The following CELF2 variants were observed in gnomAD, a reference collection of about 807,000 sequenced individuals.
The protein encoded by CELF2 is CUG triplet repeat RNA-binding protein 2.
In CELF2, 8 loss-of-function variants were observed where a neutral mutation model predicts 62.6. The observed-to-expected ratio is 0.13, with a 90% confidence interval of 0.07 to 0.23. The LOEUF (loss-of-function observed/expected upper bound fraction) is 0.23, where lower values mean the gene tolerates loss of function less well. Ranked by LOEUF, CELF2 falls within the 10% of genes least tolerant of loss-of-function variation. The pLI, the probability that CELF2 is intolerant of heterozygous loss-of-function variation, is 1.00. For missense variants in CELF2, 333 were observed against 671.0 expected (o/e 0.50, Z 5.56); for synonymous variants, 258 against 250.0 (o/e 1.03, Z -0.30).
At chr10:10,682,284 A>T in the CELF2 span, among the ~76,000 whole-genome samples, 1 of 152,242 alleles carries the variant, frequency 6.6e-6, no homozygotes, top group Non-Finnish European at 1.5e-5. Context: ...TAGGTCGGTG[A>T]GCACAATGAG....
At chr10:10,949,695 G>A (rs1297081442) in intron 2 of CELF2, among the ~76,000 whole-genome samples, 1 of 151,888 alleles carries the variant, frequency 6.6e-6, no homozygotes, top group Admixed American at 6.6e-5. Flanking sequence ...CAGCTACTAG[G>A]GAAGCTGAGG....
At chr10:10,615,647 T>C in the CELF2 span, among the ~76,000 whole-genome samples, 5 of 152,178 alleles carry the variant, frequency 3.3e-5, no homozygotes, top group East Asian at 7.7e-4. Flanking sequence ...GTTCTCATGA[T>C]AGTGAATGAA....
the CELF2 span, among the ~76,000 whole-genome samples, chr10:10,672,009 T>C: frequency 1.3e-5 from 2 of 152,168 alleles, no homozygotes; most frequent in African/African-American, 4.8e-5. Context: ...GGATTACAGG[T>C]GTAAGCCACC....
chr10:10,720,235 A>G, the CELF2 span, among the ~76,000 whole-genome samples: 7 of 152,258 alleles, frequency 4.6e-5, no homozygotes, highest in African/African-American at 9.6e-5. Flanking sequence ...ATTGAATTAA[A>G]TAAGTTTTTA....
At chr10:11,017,093 AT>A (rs1300287263), upstream of CELF2, among the ~76,000 whole-genome samples, 1 of 152,238 alleles carries the variant, frequency 6.6e-6, no homozygotes, top group Non-Finnish European at 1.5e-5. This position sits in a 1 kb window ranked among gnomAD's most constrained non-coding sequence, Gnocchi z 5.5. Context: ...TCACTTAAAA[AT>A]TAAACTCGCC....
intron 1 of CELF2, among the ~76,000 whole-genome samples, chr10:10,839,358 C>G (rs2058524520): frequency 6.6e-6 from 1 of 152,188 alleles, no homozygotes; most frequent in Non-Finnish European, 1.5e-5. Context: ...GTCTTCAGCT[C>G]TATTCCATTA....
rs919298035 is a variant in CELF2 at position 11,328,513 on chromosome 10, G to A, written c.1439-413G>A. Among the ~76,000 whole-genome samples the A allele has an allele frequency of 6.6e-6, 1 of 152,182 alleles. No homozygotes were observed. The highest frequency in any genetic ancestry group is 1.5e-5 in the Non-Finnish European group (1 of 68,018). On this transcript the variant is annotated intron_variant, in intron 12 of 12. Coordinates refer to ENST00000633077, the MANE Select transcript of CELF2 (RefSeq NM_001326342.2). This position sits in a 1 kb window ranked among gnomAD's most constrained non-coding sequence, Gnocchi z 6.4. ...CCTGGCTGGGACACGTGAGCCCCTA[G>A]GGGCCCCCACAGCCCTGAAATATTT...
rs1033593685 is a variant in CELF2, at chr10:11,247,324, G to C, written c.355-1829G>C. On this transcript the variant is annotated intron_variant, in intron 3 of 12. Transcript: ENST00000633077. The surrounding 1 kb of genome is among the most constrained non-coding windows in gnomAD (Gnocchi z 5.4). ...TCCATGCTCACACTGGGAGCTCCCT[G>C]TGAGAGGGAACTGTCACCCTTCCAC... Among the ~76,000 whole-genome samples the C allele has an allele frequency of 1.3e-5, 2 of 152,238 alleles. No homozygotes were observed. Among genetic ancestry groups the C allele is most frequent in the African/African-American group, 4.8e-5 (2 of 41,458 alleles).
Position 11,319,061 on chromosome 10 carries a change from G to A in CELF2, c.1097-2128G>A, listed in dbSNP as rs1351662693. 2 of 470,440 alleles carry A rather than the reference G, an allele frequency of 4.3e-6. No individual in the cohort carries two copies. Among genetic ancestry groups the A allele is most frequent in the South Asian group, 1.5e-5 (1 of 64,574 alleles). 29.1% of individuals were successfully genotyped at this position (470,440 alleles called of 1,614,324 possible). A position where few individuals can be genotyped will look rare whatever the true frequency, so the allele number is the denominator to read the frequency against. On this transcript the variant is annotated intron_variant, in intron 10 of 12. Coordinates refer to ENST00000633077, the MANE Select transcript of CELF2 (RefSeq NM_001326342.2). This position sits in a 1 kb window ranked among gnomAD's most constrained non-coding sequence, Gnocchi z 4.4. ...CCCACATGGCTCTGCAGGCTGCGAG[G>A]CACACCCAGAACCTCATGCCTTGAG... is the stretch of plus-strand genomic sequence containing the variant.
In CELF2 at chr10:10,967,298, A is replaced by C. The variant is rs144203317; in HGVS notation, c.89+47299A>C. On this transcript the variant is annotated intron_variant, in intron 2 of 13. Transcript: ENST00000636488. ...TACGAGAGTAGGTTCCAGTCTGTTT[A>C]CACATCTGGTTAGGTTAGAGGTCAC... is the stretch of plus-strand genomic sequence containing the variant. 1.5e-3 allele frequency among the ~76,000 whole-genome samples: 230 copies of C among 152,308 alleles called. 1 individual carries two copies. Among genetic ancestry groups the C allele is most frequent in the African/African-American group, 5.0e-3 (209 of 41,562 alleles).
At chr10:10,518,322 C>A in the CELF2 span, among the ~76,000 whole-genome samples, 1 of 152,136 alleles carries the variant, frequency 6.6e-6, no homozygotes, top group East Asian at 1.9e-4. Flanking sequence ...CTTTCTTCAG[C>A]CCAAGCTCCA....
At chr10:11,152,874 C>G (rs1371029227) in intron 1 of CELF2, among the ~76,000 whole-genome samples, 1 of 152,162 alleles carries the variant, frequency 6.6e-6, no homozygotes, top group East Asian at 1.9e-4. Flanking sequence ...TTAGAGTTAT[C>G]CAGCACCCCA....
At chr10:10,606,828 T>A in the CELF2 span, among the ~76,000 whole-genome samples, 2 of 152,184 alleles carry the variant, frequency 1.3e-5, no homozygotes, top group Non-Finnish European at 2.9e-5. Context: ...TTCTCATTTA[T>A]CTTGAAAAGT....
chr10:11,241,856 G>C (rs1326919403), intron 3 of CELF2, among the ~76,000 whole-genome samples: 1 of 152,058 alleles, frequency 6.6e-6, no homozygotes, highest in African/African-American at 2.4e-5. Flanking sequence ...GCCTCCAGTT[G>C]GTGGCAAATC....
intron 2 of CELF2, among the ~76,000 whole-genome samples, chr10:11,205,215 C>A (rs547598811): frequency 5.3e-5 from 8 of 152,298 alleles, no homozygotes; most frequent in African/African-American, 1.7e-4. Context: ...TTAAAGGGCT[C>A]GTGGTCATCA....
At chr10:10,945,192 C>T (rs548699081) in intron 2 of CELF2, among the ~76,000 whole-genome samples, 3 of 152,216 alleles carry the variant, frequency 2.0e-5, no homozygotes, top group South Asian at 2.1e-4. Context: ...GGGATGCTGC[C>T]AGGGGACCCA....
the CELF2 span, among the ~76,000 whole-genome samples, chr10:10,766,375 G>A: frequency 6.6e-6 from 1 of 152,196 alleles, no homozygotes; most frequent in African/African-American, 2.4e-5. Context: ...AAATGTGTCT[G>A]AGATGACTGT....
the CELF2 span, among the ~76,000 whole-genome samples, chr10:10,494,536 G>C: frequency 6.6e-6 from 1 of 152,186 alleles, no homozygotes; most frequent in East Asian, 1.9e-4. Flanking sequence ...TGATTGGTTT[G>C]TTCTAATTAA....
chr10:10,517,193 G>A, the CELF2 span, among the ~76,000 whole-genome samples: 3 of 152,078 alleles, frequency 2.0e-5, no homozygotes, highest in South Asian at 4.1e-4. Flanking sequence ...GGCATGATTA[G>A]GGTTATTCTG....
Sources: allele counts gnomAD v4.1 joint callset (sites outside exome capture counted in the v4.1 genomes callset), GRCh38; gene constraint gnomAD v4.1.1; non-coding constraint Gnocchi (gnomAD v3.1); transcripts MANE v1.5; gene names NCBI Gene and HGNC (gene_info 2026-07-23, HGNC 2026-07-21).